The following KLC4 variants were observed in gnomAD, a reference collection of about 807,000 sequenced individuals.
The protein encoded by KLC4 is kinesin light chain 4.
In KLC4, 49 loss-of-function variants were observed where a neutral mutation model predicts 77.2. That is an observed-to-expected ratio of 0.63 (90% confidence interval 0.50 to 0.80). The LOEUF is 0.80. Ranked by LOEUF, KLC4 falls within the 30% of genes least tolerant of loss-of-function variation. KLC4 has a pLI of 0.00. For synonymous variants in KLC4, 274 were observed against 314.5 expected (o/e 0.87, Z 1.36); for missense variants, 669 against 793.5 (o/e 0.84, Z 1.89).
chr6:43,061,492 T>C lies in KLC4; in HGVS notation c.157T>C (p.Cys53Arg). ...GCAAAGCCTGTCCCAGACCATTGAGTGTCTGCAGCAGGGAGGCCATGAGGA... is the reference window on the plus strand; with the variant it reads ...GCAAAGCCTGTCCCAGACCATTGAGCGTCTGCAGCAGGGAGGCCATGAGGA... ...VLQSLSQTIE[C>R]LQQGGHEEGL... The change falls in exon 2 of 16, where the codon TGT (cysteine) becomes CGT (arginine). Residue 53 changes from cysteine (C) to arginine (R), a missense_variant. Transcript: ENST00000347162. 6.2e-7 allele frequency: 1 copy of C among 1,614,008 alleles called. No individual in the cohort carries two copies. The highest frequency in any genetic ancestry group is 8.5e-7 in the Non-Finnish European group (1 of 1,179,974).
At position 43,071,200 on chromosome 6, in the gene KLC4, TAAAAAAAAAAA is replaced by T. The variant is rs540602192; in HGVS notation, c.1156-65_1156-55del. ...CCCTGAGCCTGGTGAAGACCTTGTC[TAAAAAAAAAAA>T]AAAAAAAAAGACCTTGCCTCCCTCC... On this transcript the variant is annotated intron_variant, in intron 8 of 15. Coordinates refer to ENST00000347162, the MANE Select transcript of KLC4 (RefSeq NM_201521.3). The T allele has an allele frequency of 5.0e-5, 32 of 644,742 alleles. No individual in the cohort carries two copies. In the African/African-American group the frequency reaches 6.2e-4, roughly 12 times the overall value. The allele number at this position is 644,742 out of a possible 1,614,324, so 39.9% of individuals were successfully genotyped here.
chr6:43,074,905 G>A lies in KLC4; in HGVS notation c.*233G>A. 1 of 550,288 alleles carries A rather than the reference G, an allele frequency of 1.8e-6. No homozygotes were observed. Among genetic ancestry groups the A allele is most frequent in the South Asian group, 2.1e-5 (1 of 47,476 alleles). 34.1% of individuals were successfully genotyped at this position (550,288 alleles called of 1,614,324 possible). On this transcript the variant is annotated 3_prime_UTR_variant, in exon 16 of 16. Transcript: ENST00000347162. ...GTGGTCCTCTAGAGTAGCTAGCTCTGAGGCCCCAAGGTGGGTACAAAGCAG... is the reference window on the plus strand; with the variant it reads ...GTGGTCCTCTAGAGTAGCTAGCTCTAAGGCCCCAAGGTGGGTACAAAGCAG...
chr6:43,074,531 T>TA, intron 15 of KLC4, 91 bp from the exon 16 acceptor site: 1 of 1,079,332 alleles, frequency 9.3e-7, no homozygotes, highest in Non-Finnish European at 1.4e-6. Context: ...GGTCCAGAGA[T>TA]ACACTGTGAC....
intron 1 of KLC4, 185 bp from the exon 2 acceptor site, chr6:43,061,126 C>T (rs1385856746): frequency 1.6e-6 from 1 of 626,296 alleles, no homozygotes; most frequent in Non-Finnish European, 2.8e-6. Context: ...TCGCTTTGCC[C>T]ACAACCTTAG....
Position 43,072,160 on chromosome 6 carries a change from A to G in KLC4, c.1393A>G (p.Thr465Ala). 6.2e-7 allele frequency: 1 copy of G among 1,613,942 alleles called. No homozygotes were observed. Among genetic ancestry groups the G allele is most frequent in the Non-Finnish European group, 8.5e-7 (1 of 1,179,880 alleles). ...TTCTCACCACAGCCCCACAGTGAAC[A>G]CTACTCTGAGAAACCTGGGAGCTCT... ...ACKVSSPTVNTTLRNLGALYR... is the reference protein window; with the variant it reads ...ACKVSSPTVNATLRNLGALYR... Residue 465 changes from threonine (T) to alanine (A), a missense_variant, in exon 12 of 16, where the codon ACT becomes GCT. Coordinates refer to ENST00000347162, the MANE Select transcript of KLC4 (RefSeq NM_201521.3).
intron 1 of KLC4, chr6:43,060,578 A>G (rs2150349166): frequency 8.2e-7 from 1 of 1,222,540 alleles, no homozygotes; most frequent in East Asian, 5.1e-5. Context: ...CCTGAGTGCC[A>G]CAGCCAGGGC....
intron 10 of KLC4, 26 bp from the exon 11 acceptor site, chr6:43,071,826 C>G (rs371267423): frequency 7.0e-5 from 112 of 1,607,828 alleles, no homozygotes; most frequent in Non-Finnish European, 8.9e-5. Flanking sequence ...CCCTGCCCTT[C>G]TTTCTGGCCT....
chr6:43,060,765 C>T (rs1765104894), intron 1 of KLC4, among the ~76,000 whole-genome samples: 1 of 152,204 alleles, frequency 6.6e-6, no homozygotes, highest in African/African-American at 2.4e-5. Context: ...GTGATGCAGC[C>T]TGAAGACCTT....
chr6:43,069,097 G>T (rs1765598550), intron 6 of KLC4, among the ~76,000 whole-genome samples: 1 of 151,862 alleles, frequency 6.6e-6, no homozygotes, highest in African/African-American at 2.4e-5. Context: ...GATGGGGTGA[G>T]ACTTCATCTT....
chr6:43,065,562 T>C, intron 3 of KLC4, 58 bp from the exon 4 acceptor site: 1 of 1,191,112 alleles, frequency 8.4e-7, no homozygotes, highest in Non-Finnish European at 1.3e-6. Flanking sequence ...GAGGGGTCAC[T>C]GAGAAGGCTA....
At chr6:43,071,220 A>G in intron 8 of KLC4, 55 bp from the exon 9 acceptor site, 1 of 994,760 alleles carries the variant, frequency 1.0e-6, no homozygotes, top group South Asian at 1.5e-5. Flanking sequence ...AAAAAAAAAA[A>G]GACCTTGCCT....
intron 4 of KLC4, among the ~76,000 whole-genome samples, 153 bp from the exon 5 acceptor site, chr6:43,066,153 G>A (rs1320583660): frequency 3.3e-5 from 5 of 152,224 alleles, no homozygotes; most frequent in African/African-American, 9.6e-5. Flanking sequence ...GGTCAAGGGA[G>A]TGGATAAAAG....
chr6:43,067,636 A>C (rs953430570), intron 6 of KLC4, among the ~76,000 whole-genome samples: 3 of 148,654 alleles, frequency 2.0e-5, no homozygotes, highest in African/African-American at 7.4e-5. Flanking sequence ...CTACTAAAAA[A>C]AATACAAAAA....
At chr6:43,069,436 G>C (rs938650705) in intron 6 of KLC4, among the ~76,000 whole-genome samples, 2 of 152,014 alleles carry the variant, frequency 1.3e-5, no homozygotes, top group Non-Finnish European at 2.9e-5. Context: ...GTAGAGATGG[G>C]TTTTCACCAT....
At chr6:43,061,630 G>A (rs1425361440) in intron 2 of KLC4, 37 bp downstream of exon 2, 6 of 1,578,036 alleles carry the variant, frequency 3.8e-6, no homozygotes, top group Admixed American at 1.7e-5. Context: ...GGTCCAGGGT[G>A]GATGGAGGAG....
rs529215743 is a variant in KLC4, at chr6:43,060,460, G to T, written c.-26+775G>T. On this transcript the variant is annotated intron_variant, in intron 1 of 15. Coordinates refer to ENST00000347162, the MANE Select transcript of KLC4 (RefSeq NM_201521.3). The stretch of plus-strand genomic sequence containing the variant: ...TGGGGCTCTGGGCCAGGTCCTCTGG[G>T]TAGCTGTGAAGTGGTGAAAGAAGGG... 5.7e-6 allele frequency: 8 copies of T among 1,409,500 alleles called. No homozygotes were observed. The African/African-American group carries it at 1.1e-4, about 20-fold the overall frequency. 87.3% of individuals were successfully genotyped at this position (1,409,500 alleles called of 1,614,324 possible).
chr6:43,061,753 A>C (rs1765176277), intron 2 of KLC4, among the ~76,000 whole-genome samples, 160 bp downstream of exon 2: 1 of 152,238 alleles, frequency 6.6e-6, no homozygotes, highest in African/African-American at 2.4e-5. Context: ...GCTTTTGGGC[A>C]CTGAAGAGAT....
chr6:43,065,770 C>A, intron 4 of KLC4, 69 bp downstream of exon 4: 2 of 1,036,942 alleles, frequency 1.9e-6, no homozygotes, highest in Non-Finnish European at 3.0e-6. Flanking sequence ...GTGGCCCACC[C>A]TGTACACAGG....
In KLC4 at chr6:43,063,096, C is replaced by T. The variant is rs781236037; in HGVS notation, c.438C>T (p.His146=). The change falls in exon 3 of 16, where the codon CAC becomes CAT. Residue 146 remains histidine, a synonymous_variant. Coordinates refer to ENST00000347162, the MANE Select transcript of KLC4 (RefSeq NM_201521.3). ...CTCAGCTGGAGGAGGAAAAGAAGCA[C>T]CTGGAGTTCCTGGGGCAGCTGCGGC... is the stretch of plus-strand genomic sequence containing the variant. ...AVAQLEEEKK[H]LEFLGQLRQY... 7 of 1,614,082 alleles carry T rather than the reference C, an allele frequency of 4.3e-6. No homozygotes were observed. The highest frequency in any genetic ancestry group is 5.9e-6 in the Non-Finnish European group (7 of 1,180,038).
Sources: gnomAD v4.1 joint callset for allele counts (sites outside exome capture counted in the v4.1 genomes callset) on GRCh38, gnomAD v4.1.1 for gene constraint, MANE v1.5 for transcripts, NCBI Gene and HGNC (gene_info 2026-07-23, HGNC 2026-07-21) for gene names.